PTPRG: variants seen among roughly 807,000 people sequenced by gnomAD.
PTPRG encodes the protein receptor-type tyrosine-protein phosphatase gamma.
In PTPRG, 102 loss-of-function variants were observed where a neutral mutation model predicts 165.3. That is an observed-to-expected ratio of 0.62 (90% CI 0.53 to 0.73). The LOEUF (loss-of-function observed/expected upper bound fraction) is 0.73, where lower values mean the gene tolerates loss of function less well. Ranked by LOEUF, PTPRG falls within the 30% of genes least tolerant of loss-of-function variation. The pLI is 0.00. For missense variants in PTPRG, 1,866 were observed against 1,861.4 expected, an observed-to-expected ratio of 1.00 and a Z score of -0.05; for synonymous variants, 675 against 669.5, an observed-to-expected ratio of 1.01 and a Z score of -0.13.
At chr3:61,770,738 A>G (rs1018779603) in intron 2 of PTPRG, 2 of 152,156 alleles carry the variant, frequency 1.3e-5, no homozygotes, top group South Asian at 2.1e-4. Context: ...TTTTAATTTA[A>G]TAGCTGTTAT....
At chr3:62,124,570 G>A (rs1028613417) in intron 5 of PTPRG, 6 of 1,344,466 alleles carry the variant, frequency 4.5e-6, no homozygotes, top group African/African-American at 1.4e-5. Context: ...CCAACAGGCT[G>A]TTTTTCCTAA....
At chr3:61,708,209 T>G (rs1365676302) in intron 1 of PTPRG, among the ~76,000 whole-genome samples, 1 of 152,084 alleles carries the variant, frequency 6.6e-6, no homozygotes, top group Non-Finnish European at 1.5e-5. Flanking sequence ...ACTGGTGATC[T>G]AAGCTCATTA....
chr3:61,585,681 A>G (rs1700418881), intron 1 of PTPRG, among the ~76,000 whole-genome samples: 1 of 152,134 alleles, frequency 6.6e-6, no homozygotes, highest in South Asian at 2.1e-4. Flanking sequence ...CAGGAGGCAA[A>G]GGTTGCAGGG....
intron 1 of PTPRG, among the ~76,000 whole-genome samples, chr3:61,675,233 G>C (rs1350774374): frequency 6.6e-6 from 1 of 152,050 alleles, no homozygotes; most frequent in Non-Finnish European, 1.5e-5. Context: ...CATTTATGTT[G>C]GTGGCTTGGA....
chr3:61,886,367 C>A (rs2038036651), intron 2 of PTPRG, among the ~76,000 whole-genome samples: 1 of 152,146 alleles, frequency 6.6e-6, no homozygotes, highest in Non-Finnish European at 1.5e-5. Flanking sequence ...CAATGACTAC[C>A]TAGTAGTTCA....
At chr3:62,179,288 T>G (rs76303180) in intron 8 of PTPRG, among the ~76,000 whole-genome samples, 11,960 of 152,244 alleles carry the variant, frequency 0.079, 773 homozygotes, top group East Asian at 0.35. Context: ...AGCCAGTGGT[T>G]GTTACGGTTG....
intron 23 of PTPRG, among the ~76,000 whole-genome samples, chr3:62,274,832 T>C (rs2148878236): frequency 6.6e-6 from 1 of 152,286 alleles, no homozygotes. Flanking sequence ...GTGTATCATT[T>C]TAAATGTTTA....
intron 1 of PTPRG, among the ~76,000 whole-genome samples, chr3:61,602,123 T>C (rs1264101711): frequency 5.9e-5 from 9 of 152,120 alleles, no homozygotes; most frequent in African/African-American, 1.2e-4. Context: ...ATGGAAGCCT[T>C]CTTGGGCTTC....
chr3:61,650,208 T>G (rs1191160991), intron 1 of PTPRG, among the ~76,000 whole-genome samples: 2 of 152,206 alleles, frequency 1.3e-5, no homozygotes, highest in East Asian at 3.9e-4. Flanking sequence ...GAAATTATCT[T>G]TTAATACATA....
intron 4 of PTPRG, among the ~76,000 whole-genome samples, chr3:62,073,085 AATCTGAT>A (rs36218489): frequency 0.28 from 42,137 of 151,754 alleles, 6,627 homozygotes; most frequent in African/African-American, 0.45. Flanking sequence ...TTAGTAATGG[AATCTGAT>A]ATCTGATAAT....
At position 62,297,365 on chromosome 3, in the gene PTPRG, T is replaced by C. The variant is rs1295342589; in HGVS notation, c.*4058T>C. The C allele has an allele frequency of 6.6e-6, 1 of 151,970 alleles. No homozygotes were observed. Among genetic ancestry groups the C allele is most frequent in the African/African-American group, 2.4e-5 (1 of 41,428 alleles). 9.4% of individuals were successfully genotyped at this position (151,970 alleles called of 1,614,324 possible). On this transcript the variant is annotated 3_prime_UTR_variant, in exon 30 of 30. Coordinates refer to ENST00000474889, the MANE Select transcript of PTPRG (RefSeq NM_002841.4). The stretch of plus-strand genomic sequence containing the variant: ...TGTGAAAGTTGGGTTTTCTTTTTAA[T>C]TCCATTGACCATTTGTGCAATAGGA...
At chr3:62,170,758 T>C (rs1423568957) in intron 8 of PTPRG, among the ~76,000 whole-genome samples, 1 of 152,212 alleles carries the variant, frequency 6.6e-6, no homozygotes, top group Non-Finnish European at 1.5e-5. Flanking sequence ...GAGCAGGATC[T>C]AGATGCAGTC....
At chr3:62,287,008 T>G (rs1702688699) in intron 28 of PTPRG, among the ~76,000 whole-genome samples, 1 of 152,176 alleles carries the variant, frequency 6.6e-6, no homozygotes, top group Non-Finnish European at 1.5e-5. Flanking sequence ...AGCCATATTG[T>G]ATAAATACTT....
intron 1 of PTPRG, among the ~76,000 whole-genome samples, chr3:61,631,169 C>G (rs761061980): frequency 2.6e-5 from 4 of 151,614 alleles, no homozygotes; most frequent in Non-Finnish European, 5.9e-5. Flanking sequence ...GCAGAGCTGA[C>G]CATTAAAGTT....
At chr3:61,888,578 G>A (rs934371227) in intron 2 of PTPRG, among the ~76,000 whole-genome samples, 9 of 152,086 alleles carry the variant, frequency 5.9e-5, no homozygotes, top group Admixed American at 4.6e-4. Context: ...CGATCCGCCC[G>A]CCTTGGCCTC....
chr3:62,044,538 C>CAA (rs144902203), intron 4 of PTPRG, among the ~76,000 whole-genome samples: 2,231 of 139,518 alleles, frequency 0.016, 52 homozygotes, highest in African/African-American at 0.054. Flanking sequence ...GACTGTATCT[C>CAA]AAAAAAAAAA....
chr3:61,748,331 C>T (rs1329454542), intron 1 of PTPRG, among the ~76,000 whole-genome samples: 1 of 152,138 alleles, frequency 6.6e-6, no homozygotes, highest in African/African-American at 2.4e-5. Flanking sequence ...TACTGGGTGA[C>T]CTGGGGCCAG....
chr3:62,279,946 AGGATACG>A (rs1195006416), intron 26 of PTPRG, among the ~76,000 whole-genome samples: 12 of 152,052 alleles, frequency 7.9e-5, no homozygotes, highest in Admixed American at 2.0e-4. Context: ...CTGATTGATT[AGGATACG>A]TGGTGTACAT....
At chr3:61,761,501 C>A (rs1221856065) in intron 2 of PTPRG, among the ~76,000 whole-genome samples, 1 of 152,146 alleles carries the variant, frequency 6.6e-6, no homozygotes, top group East Asian at 1.9e-4. Flanking sequence ...TCGCTTGAAC[C>A]CTGGAGGTGG....
Sources: allele counts gnomAD v4.1 joint callset (sites outside exome capture counted in the v4.1 genomes callset), GRCh38; gene constraint gnomAD v4.1.1; transcripts MANE v1.5; gene names NCBI Gene and HGNC (gene_info 2026-07-23, HGNC 2026-07-21).